MTG1: variants seen among roughly 807,000 people sequenced by gnomAD.
MTG1 encodes mitochondrial ribosome associated GTPase 1.
MTG1 carries 30 observed loss-of-function variants against 39.5 expected under a neutral mutation model. The observed-to-expected ratio is 0.76, with a 90% CI of 0.57 to 1.03. MTG1 has a LOEUF of 1.03. MTG1 is among the 50% of genes least tolerant of loss of function. The pLI is 0.00. For missense variants in MTG1, 513 were observed against 447.4 expected (o/e 1.15, Z -1.32); for synonymous variants, 217 against 179.0 (o/e 1.21, Z -1.69).
In MTG1 at chr10:133,420,051, C is replaced by G. The variant is rs1353423045; in HGVS notation, c.891C>G (p.Asn297Lys). 5 of 1,612,812 alleles carry G rather than the reference C, an allele frequency of 3.1e-6. No homozygotes were observed. Among genetic ancestry groups the G allele is most frequent in the Non-Finnish European group, 4.2e-6 (5 of 1,179,390 alleles). ...GTGNVNIIQP[N>K]YPAAARDFLQ... ...GTAACGTGAACATTATTCAGCCTAA[C>G]TATCCTGCGGCAGCCCGTGACTTCC... The change falls in exon 11 of 11, where the codon AAC becomes AAG. Residue 297 changes from asparagine to lysine, a missense_variant. Coordinates refer to ENST00000317502, the MANE Select transcript of MTG1 (RefSeq NM_138384.4).
intron 9 of MTG1, among the ~76,000 whole-genome samples, chr10:133,403,801 A>T (rs992609295): frequency 6.6e-6 from 1 of 152,052 alleles, no homozygotes; most frequent in African/African-American, 2.4e-5. Context: ...CTAGGAGTAG[A>T]GTGGCTGGAT....
chr10:133,394,383 T>C (rs1186876039), intron 1 of MTG1, 51 bp downstream of exon 1: 1 of 1,401,498 alleles, frequency 7.1e-7, no homozygotes, highest in South Asian at 1.4e-5. Flanking sequence ...GCGGCGCCTC[T>C]GCTTCCCTCC....
At chr10:133,416,725 A>T (rs1850139404) in intron 9 of MTG1, among the ~76,000 whole-genome samples, 1 of 146,476 alleles carries the variant, frequency 6.8e-6, no homozygotes, top group African/African-American at 2.5e-5. Flanking sequence ...CCTACAAAGG[A>T]CATGAACTCA....
intron 9 of MTG1, among the ~76,000 whole-genome samples, chr10:133,410,332 C>T (rs747404394): frequency 1.3e-5 from 2 of 152,174 alleles, no homozygotes; most frequent in Non-Finnish European, 2.9e-5. Flanking sequence ...GCTGGGATTA[C>T]AAATGTGAGC....
At chr10:133,417,173 A>G (rs1178130388) in intron 9 of MTG1, among the ~76,000 whole-genome samples, 1 of 152,148 alleles carries the variant, frequency 6.6e-6, no homozygotes, top group African/African-American at 2.4e-5. Flanking sequence ...CAAAAAGCTT[A>G]TCCACCATGA....
chr10:133,409,571 G>T (rs1850015610), intron 9 of MTG1, among the ~76,000 whole-genome samples: 1 of 152,210 alleles, frequency 6.6e-6, no homozygotes, highest in Non-Finnish European at 1.5e-5. Context: ...TTTCACTCCA[G>T]TGTTTCTGTT....
intron 9 of MTG1, among the ~76,000 whole-genome samples, chr10:133,408,826 G>A (rs1016199305): frequency 1.3e-5 from 2 of 152,078 alleles, no homozygotes; most frequent in Non-Finnish European, 2.9e-5. Flanking sequence ...TTTCCAGTTC[G>A]TTGCTGTGTA....
At position 133,421,250 on chromosome 10, in the gene MTG1, C is replaced by T. The variant is rs1211003206; in HGVS notation, c.*1085C>T. 1 of 152,828 alleles carries T rather than the reference C, an allele frequency of 6.5e-6. No homozygotes were observed. The highest frequency in any genetic ancestry group is 6.5e-5 in the Admixed American group (1 of 15,290). 9.5% of individuals were successfully genotyped at this position (152,828 alleles called of 1,614,324 possible). A position where few individuals can be genotyped will look rare whatever the true frequency, so the allele number is the denominator to read the frequency against. On this transcript the variant is annotated 3_prime_UTR_variant, in exon 11 of 11. Coordinates refer to ENST00000317502, the MANE Select transcript of MTG1 (RefSeq NM_138384.4). ...CTGCATCGTGCCATAACCCTGACCG[C>T]CTGGGGCAGGAAGTATTCAGGTTGG...
chr10:133,403,511 C>T (rs1849918334), intron 9 of MTG1, among the ~76,000 whole-genome samples: 1 of 152,358 alleles, frequency 6.6e-6, no homozygotes, highest in African/African-American at 2.4e-5. Flanking sequence ...TTCTAGAATT[C>T]CACGTAGATG....
chr10:133,398,646 C>A, intron 4 of MTG1, 131 bp downstream of exon 4: 2 of 1,008,164 alleles, frequency 2.0e-6, no homozygotes, highest in Non-Finnish European at 2.9e-6. Flanking sequence ...CCAGCTGCCA[C>A]ACACGGATGC....
At chr10:133,413,306 G>T (rs1381783514) in intron 9 of MTG1, among the ~76,000 whole-genome samples, 1 of 152,150 alleles carries the variant, frequency 6.6e-6, no homozygotes, top group Non-Finnish European at 1.5e-5. Flanking sequence ...TAGAGATGGG[G>T]TTTCACCATG....
At chr10:133,411,435 A>C (rs1589916491) in intron 9 of MTG1, among the ~76,000 whole-genome samples, 1 of 152,070 alleles carries the variant, frequency 6.6e-6, no homozygotes. Flanking sequence ...TATTTGGGTT[A>C]AATCTGTTTG....
chr10:133,412,299 C>G (rs1258885414), intron 9 of MTG1, among the ~76,000 whole-genome samples: 1 of 152,134 alleles, frequency 6.6e-6, no homozygotes, highest in Non-Finnish European at 1.5e-5. Flanking sequence ...ATTTTTGATA[C>G]TATTGTAAAT....
At chr10:133,415,143 GA>G (rs1385584870) in intron 9 of MTG1, among the ~76,000 whole-genome samples, 1 of 151,514 alleles carries the variant, frequency 6.6e-6, no homozygotes, top group African/African-American at 2.4e-5. Context: ...CTCGGCATCA[GA>G]GGGAGACCGT....
At position 133,398,336 on chromosome 10, in the gene MTG1, G is replaced by A. The variant is rs556608667; in HGVS notation, c.283-99G>A. ...AATCGCTTGAACCAGGGAGGCGGAG[G>A]TTGCAGGGAGCCGAGATTGTGCTAC... is the stretch of plus-strand genomic sequence containing the variant. On this transcript the variant is annotated intron_variant, in intron 3 of 10. Coordinates refer to ENST00000317502, the MANE Select transcript of MTG1 (RefSeq NM_138384.4). 1.2e-3 allele frequency: 1,437 copies of A among 1,180,558 alleles called. 2 individuals carry two copies. The highest frequency in any genetic ancestry group is 1.6e-3 in the Non-Finnish European group (1,349 of 827,014). 73.1% of individuals were successfully genotyped at this position (1,180,558 alleles called of 1,614,324 possible).
chr10:133,415,196 C>CGGAGCG lies in MTG1; in HGVS notation c.753-4273_753-4268dup, dbSNP rs997829839. On this transcript the variant is annotated intron_variant, in intron 9 of 10. Transcript: ENST00000317502. ...GGAGACCGTGGAGAGGGAGAGGGAG[C>CGGAGCG]GGAGCGGGAGCGGGAGAGGGAGCGG... Among the ~76,000 whole-genome samples, 488 of 150,854 alleles carry CGGAGCG rather than the reference C, an allele frequency of 3.2e-3. 5 individuals are homozygous for CGGAGCG. The highest frequency in any genetic ancestry group is 2.1e-3 in the Non-Finnish European group (141 of 67,362).
chr10:133,402,851 A>T lies in MTG1; in HGVS notation c.752+78A>T. On this transcript the variant is annotated intron_variant, in intron 9 of 10. Coordinates refer to ENST00000317502, the MANE Select transcript of MTG1 (RefSeq NM_138384.4). The surrounding 1 kb of genome is among the most constrained non-coding windows in gnomAD (Gnocchi z 4.7). ...TTAAAAAAAAAAAACAAACAAAAAAACCCCCAGCATTATAAAGGTATTATA... is the reference window on the plus strand; with the variant it reads ...TTAAAAAAAAAAAACAAACAAAAAATCCCCCAGCATTATAAAGGTATTATA... 1 of 1,100,800 alleles carries T rather than the reference A, an allele frequency of 9.1e-7. No individual in the cohort carries two copies. Among genetic ancestry groups the T allele is most frequent in the Non-Finnish European group, 1.3e-6 (1 of 768,638 alleles). The allele number at this position is 1,100,800 out of a possible 1,614,324, so 68.2% of individuals were successfully genotyped here. A position where few individuals can be genotyped will look rare whatever the true frequency, so the allele number is the denominator to read the frequency against.
Position 133,402,747 on chromosome 10 carries a change from C to A in MTG1, c.726C>A (p.Tyr242Ter), listed in dbSNP as rs754504667. 3 of 1,607,510 alleles carry A rather than the reference C, an allele frequency of 1.9e-6. No individual in the cohort carries two copies. The South Asian group carries it at 3.4e-5, about 18-fold the overall frequency. The change falls in exon 9 of 11, where the codon TAC becomes TAA. Residue 242 changes from tyrosine to a stop codon, truncating the protein, a stop_gained. Coordinates refer to ENST00000317502, the MANE Select transcript of MTG1 (RefSeq NM_138384.4). LOFTEE classifies it high-confidence loss of function. This position sits in a 1 kb window ranked among gnomAD's most constrained non-coding sequence, Gnocchi z 4.7. ...GEETMADYLLYTLNKHQRFGY... is the reference protein window; with the variant it reads ...GEETMADYLL ...AGACCATGGCTGACTACCTGCTGTA[C>A]ACCCTCAACAAACACCAGCGCTTTG...
At chr10:133,397,779 G>GT (rs35859911) in intron 3 of MTG1, among the ~76,000 whole-genome samples, 41,820 of 139,392 alleles carry the variant, frequency 0.3, 6,337 homozygotes, top group Middle Eastern at 0.39. Flanking sequence ...CGTCCAGCCT[G>GT]TTTTTTTTTT....
Sources: gnomAD v4.1 joint callset for allele counts (sites outside exome capture counted in the v4.1 genomes callset) on GRCh38, gnomAD v4.1.1 for gene constraint, Gnocchi (gnomAD v3.1) non-coding constraint, MANE v1.5 for transcripts, NCBI Gene and HGNC (gene_info 2026-07-23, HGNC 2026-07-21) for gene names.